Variants in DHX35 observed in about 807,000 individuals in gnomAD.
The protein encoded by DHX35 is DEAH-box helicase 35, also known as probable ATP-dependent RNA helicase DHX35.
DHX35 carries 84 observed loss-of-function variants against 99.6 expected under a neutral mutation model. The ratio of observed to expected loss-of-function variants is 0.84; its 90% CI spans 0.71 to 1.01. The LOEUF (loss-of-function observed/expected upper bound fraction) is 1.01, where lower values mean the gene tolerates loss of function less well. DHX35 is among the 50% of genes least tolerant of loss of function. The pLI, the probability that DHX35 is intolerant of heterozygous loss-of-function variation, is 0.00. For synonymous variants in DHX35, 331 were observed against 316.2 expected, an observed-to-expected ratio of 1.05 and a Z score of -0.50; for missense variants, 852 against 888.5, an observed-to-expected ratio of 0.96 and a Z score of 0.52.
intron 2 of DHX35, among the ~76,000 whole-genome samples, chr20:38,969,876 A>G (rs539229967): frequency 5.3e-5 from 8 of 152,372 alleles, no homozygotes; most frequent in East Asian, 3.9e-4. Flanking sequence ...TGGCACATCC[A>G]CATGGGAAGC....
In DHX35 at chr20:38,992,341, C is replaced by T. The variant is rs181406195; in HGVS notation, c.513-15C>T. 5.6e-5 allele frequency: 90 copies of T among 1,613,558 alleles called. No individual in the cohort carries two copies. In the Admixed American group the frequency reaches 1.5e-3, roughly 26 times the overall value. ...TTTTTTAGAGGCTCACTGAGAGCTT[C>T]TCTTTGATTCTTAGTGTCATCATGC... On this transcript the variant is annotated splice_polypyrimidine_tract_variant and intron_variant, in intron 6 of 21. Transcript: ENST00000252011.
At chr20:39,036,726 C>CAAA (rs60032935) in intron 21 of DHX35, among the ~76,000 whole-genome samples, 5 of 51,688 alleles carry the variant, frequency 9.7e-5, no homozygotes, top group East Asian at 1.3e-3. Context: ...ACTGTCCCCC[C>CAAA]AAAAAAAAAA....
chr20:39,004,114 G>A (rs917903183), intron 11 of DHX35, among the ~76,000 whole-genome samples: 1 of 152,070 alleles, frequency 6.6e-6, no homozygotes, highest in Non-Finnish European at 1.5e-5. Context: ...CCAGGCTGGA[G>A]TGCAGTGGCG....
chr20:38,983,686 A>C lies in DHX35; in HGVS notation c.268-13A>C. On this transcript the variant is annotated splice_polypyrimidine_tract_variant and intron_variant, in intron 3 of 21. Coordinates refer to ENST00000252011, the MANE Select transcript of DHX35 (RefSeq NM_021931.4). Reference sequence around the variant, plus strand: ...GGTATCATATGTATACTTAGATGTGATTTTGTTTGTAGTACCTTGCAGAAG... The same window carrying C: ...GGTATCATATGTATACTTAGATGTGCTTTTGTTTGTAGTACCTTGCAGAAG... 6.2e-7 allele frequency: 1 copy of C among 1,613,496 alleles called. No individual in the cohort carries two copies. The highest frequency in any genetic ancestry group is 1.3e-5 in the African/African-American group (1 of 75,006).
chr20:39,021,949 G>A lies in DHX35; in HGVS notation c.1593+14G>A, dbSNP rs2086879475. The A allele has an allele frequency of 6.2e-7, 1 of 1,613,540 alleles. No individual in the cohort carries two copies. The highest frequency in any genetic ancestry group is 8.5e-7 in the Non-Finnish European group (1 of 1,179,506). On this transcript the variant is annotated intron_variant, in intron 16 of 21. Transcript: ENST00000252011. ...AAGTCTCACGCAGTAAGTCAGCTCT[G>A]TCCCCAGGCTGTCTGTACCAGTCTC...
chr20:38,962,687 A>G, intron 1 of DHX35: 1 of 431,660 alleles, frequency 2.3e-6, no homozygotes, highest in Non-Finnish European at 4.1e-6. Context: ...TGTCCTGCCC[A>G]CCCCGCGAGA....
chr20:38,992,217 C>A, intron 6 of DHX35, 139 bp from the exon 7 acceptor site: 1 of 637,496 alleles, frequency 1.6e-6, no homozygotes, highest in South Asian at 2.4e-5. Flanking sequence ...GCCTCATTGT[C>A]AAAGAAGAGT....
intron 3 of DHX35, among the ~76,000 whole-genome samples, chr20:38,981,507 A>G (rs534123961): frequency 9.9e-5 from 15 of 152,260 alleles, no homozygotes; most frequent in South Asian, 2.1e-4. Context: ...AAGCTCCTTC[A>G]TTTTGGCTCC....
chr20:38,974,278 G>A (rs1381773691), intron 3 of DHX35, among the ~76,000 whole-genome samples: 1 of 152,174 alleles, frequency 6.6e-6, no homozygotes, highest in East Asian at 1.9e-4. Context: ...GGTGTAACGG[G>A]GTCCTCAACC....
chr20:38,998,709 T>G (rs1036686870), intron 8 of DHX35, among the ~76,000 whole-genome samples: 4 of 152,238 alleles, frequency 2.6e-5, no homozygotes, highest in African/African-American at 7.2e-5. Flanking sequence ...ACTATATTTA[T>G]TTACTTTTTT....
chr20:38,983,097 T>TA (rs1391526281), intron 3 of DHX35, among the ~76,000 whole-genome samples: 3 of 152,132 alleles, frequency 2.0e-5, no homozygotes, highest in Non-Finnish European at 4.4e-5. Context: ...ACCTACGTTT[T>TA]TATATTTTTG....
chr20:38,972,202 G>A (rs777794351), intron 2 of DHX35, among the ~76,000 whole-genome samples: 1 of 151,954 alleles, frequency 6.6e-6, no homozygotes, highest in Non-Finnish European at 1.5e-5. Context: ...TAGAGACAGG[G>A]TTTCACCATG....
At chr20:38,981,873 G>A (rs2086178945) in intron 3 of DHX35, among the ~76,000 whole-genome samples, 1 of 149,490 alleles carries the variant, frequency 6.7e-6, no homozygotes, top group Admixed American at 6.7e-5. Context: ...AAACCCAGAA[G>A]TCGGAGGTTG....
chr20:38,979,151 A>T (rs899615370), intron 3 of DHX35, among the ~76,000 whole-genome samples: 2 of 151,618 alleles, frequency 1.3e-5, no homozygotes, highest in Middle Eastern at 3.2e-3. Context: ...TTTTCACATA[A>T]TGTATTGTTG....
At chr20:38,979,474 A>G (rs955814224) in intron 3 of DHX35, among the ~76,000 whole-genome samples, 6 of 152,256 alleles carry the variant, frequency 3.9e-5, no homozygotes, top group Non-Finnish European at 1.5e-5. Context: ...ATAAATGGTG[A>G]AAAGTTAATC....
At chr20:38,978,462 GGAGATAAATGACCCCTGCTCCA>G in intron 3 of DHX35, 1 of 543,118 alleles carries the variant, frequency 1.8e-6, no homozygotes, top group South Asian at 2.0e-5. Context: ...GAAGGCGGAT[GGAGATAAATGACCCCTGCTCCA>G]GAGAACAGCT....
At chr20:39,036,528 C>A (rs1268992048) in intron 21 of DHX35, among the ~76,000 whole-genome samples, 1 of 151,862 alleles carries the variant, frequency 6.6e-6, no homozygotes, top group Non-Finnish European at 1.5e-5. Flanking sequence ...GAGTTCGAGA[C>A]CAGCCTGGCC....
chr20:39,019,583 A>G (rs1158184395), intron 15 of DHX35, among the ~76,000 whole-genome samples: 1 of 152,190 alleles, frequency 6.6e-6, no homozygotes, highest in Non-Finnish European at 1.5e-5. Flanking sequence ...TGTATTTTTA[A>G]TTGACAAATA....
intron 3 of DHX35, chr20:38,978,290 T>C: frequency 1.3e-6 from 1 of 765,650 alleles, no homozygotes; most frequent in Non-Finnish European, 2.4e-6. Flanking sequence ...CTGACCGTTC[T>C]TAAAGATAAC....
Sources: gnomAD v4.1 joint callset for allele counts (sites outside exome capture counted in the v4.1 genomes callset) on GRCh38, gnomAD v4.1.1 for gene constraint, MANE v1.5 for transcripts, NCBI Gene and HGNC (gene_info 2026-07-23, HGNC 2026-07-21) for gene names.